Variants in NRXN3 observed in about 807,000 individuals in gnomAD.
NRXN3 encodes the protein neurexin 3.
Under a neutral mutation model 137.6 loss-of-function variants are expected in NRXN3, and 32 were observed. That is an observed-to-expected ratio of 0.23 (90% CI 0.18 to 0.31). The LOEUF (loss-of-function observed/expected upper bound fraction) is 0.31, where lower values mean the gene tolerates loss of function less well. NRXN3 is among the 10% of genes least tolerant of loss of function. NRXN3 has a pLI of 1.00. For synonymous variants in NRXN3, 798 were observed against 784.5 expected (o/e 1.02, Z -0.29); for missense variants, 1,574 against 2,062.5 (o/e 0.76, Z 4.59).
At chr14:78,203,836 G>T (rs1231006148) in intron 1 of NRXN3, among the ~76,000 whole-genome samples, 5 of 78,210 alleles carry the variant, frequency 6.4e-5, no homozygotes, top group African/African-American at 3.2e-4. Context: ...GTGTGTGTGT[G>T]TGGTTTGTGT....
In NRXN3 at chr14:79,447,550, T is replaced by G. The variant is rs186007131; in HGVS notation, c.3263-19671T>G. Among the ~76,000 whole-genome samples, 144 of 152,354 alleles carry G rather than the reference T, an allele frequency of 9.5e-4. 1 individual carries two copies. Among genetic ancestry groups the G allele is most frequent in the Non-Finnish European group, 1.7e-3 (114 of 68,030 alleles). ...ATTTCTATTTTCATGTATTCTCCTT[T>G]TCTTATAAAGGCTCCCTTTGGAACT... On this transcript the variant is annotated intron_variant, in intron 15 of 20. Coordinates refer to ENST00000335750, the MANE Select transcript of NRXN3 (RefSeq NM_001330195.2).
chr14:78,425,729 C>T (rs944314573), intron 4 of NRXN3, among the ~76,000 whole-genome samples: 1 of 152,184 alleles, frequency 6.6e-6, no homozygotes, highest in African/African-American at 2.4e-5. Context: ...CCCCTTCCCC[C>T]ACCCACTCTT....
At chr14:78,616,575 T>G (rs906304507) in intron 4 of NRXN3, among the ~76,000 whole-genome samples, 9 of 152,242 alleles carry the variant, frequency 5.9e-5, no homozygotes, top group African/African-American at 2.2e-4. Flanking sequence ...CTCACTACAA[T>G]GCAAGATTGA....
chr14:78,844,058 G>T (rs1245079600), intron 10 of NRXN3, among the ~76,000 whole-genome samples: 1 of 152,008 alleles, frequency 6.6e-6, no homozygotes, highest in Non-Finnish European at 1.5e-5. Context: ...TCAAGGCACT[G>T]GCAAAGTTTT....
intron 15 of NRXN3, among the ~76,000 whole-genome samples, chr14:79,441,333 T>C (rs899560240): frequency 6.8e-6 from 1 of 147,606 alleles, no homozygotes; most frequent in East Asian, 2.1e-4. Flanking sequence ...CCAAACAAAA[T>C]GCTGAAAGAA....
chr14:78,648,407 A>T (rs1407317008), intron 5 of NRXN3, among the ~76,000 whole-genome samples: 1 of 152,210 alleles, frequency 6.6e-6, no homozygotes, highest in Non-Finnish European at 1.5e-5. Flanking sequence ...TATCCATACA[A>T]TAAATTACAT....
intron 1 of NRXN3, among the ~76,000 whole-genome samples, chr14:78,204,629 G>A (rs1014830777): frequency 1.3e-5 from 2 of 151,546 alleles, no homozygotes; most frequent in African/African-American, 2.4e-5. Context: ...TATAAACTAT[G>A]TATATTATGA....
chr14:79,444,941 A>G (rs1410777619), intron 15 of NRXN3, among the ~76,000 whole-genome samples: 1 of 152,228 alleles, frequency 6.6e-6, no homozygotes, highest in Non-Finnish European at 1.5e-5. Context: ...GTTTACCTGA[A>G]CTCCAAGTAG....
chr14:78,464,097 G>C lies in NRXN3; in HGVS notation c.757+166237G>C, dbSNP rs1047627523. 3.3e-5 allele frequency among the ~76,000 whole-genome samples: 5 copies of C among 150,420 alleles called. 1 individual carries two copies. Among genetic ancestry groups the C allele is most frequent in the Non-Finnish European group, 7.4e-5 (5 of 67,764 alleles). ...AGGCAGAGTCTGGCTCTGTTCCCCA[G>C]GCTGGAGTGCAATGGTATGATCTCA... is the stretch of plus-strand genomic sequence containing the variant. On this transcript the variant is annotated intron_variant, in intron 4 of 20. Coordinates refer to ENST00000335750, the MANE Select transcript of NRXN3 (RefSeq NM_001330195.2).
intron 4 of NRXN3, among the ~76,000 whole-genome samples, chr14:78,533,835 C>A (rs1217393357): frequency 2.6e-5 from 4 of 152,204 alleles, no homozygotes; most frequent in Admixed American, 2.6e-4. Context: ...CCACTATGGC[C>A]ATTGCACTCA....
chr14:79,545,371 T>C (rs900222035), intron 16 of NRXN3, among the ~76,000 whole-genome samples: 6 of 152,240 alleles, frequency 3.9e-5, no homozygotes, highest in Non-Finnish European at 7.4e-5. Flanking sequence ...CCTTTTCTTA[T>C]AAATGCAGAT....
intron 15 of NRXN3, among the ~76,000 whole-genome samples, chr14:79,433,828 A>G (rs918349969): frequency 6.6e-6 from 1 of 152,180 alleles, no homozygotes; most frequent in African/African-American, 2.4e-5. Flanking sequence ...GCTCTTGCCT[A>G]TTTAGAAGCC....
chr14:79,109,273 C>A (rs897821086), intron 15 of NRXN3, among the ~76,000 whole-genome samples: 2 of 148,914 alleles, frequency 1.3e-5, no homozygotes, highest in African/African-American at 4.9e-5. Flanking sequence ...TCAGAAGTAG[C>A]CTTATCAATC....
intron 15 of NRXN3, among the ~76,000 whole-genome samples, chr14:79,081,368 C>T (rs920192797): frequency 2.0e-5 from 3 of 152,150 alleles, no homozygotes; most frequent in African/African-American, 7.2e-5. Context: ...GTAATCCCAA[C>T]TCTTTGGGAG....
intron 1 of NRXN3, among the ~76,000 whole-genome samples, chr14:78,211,101 A>G (rs916356232): frequency 6.6e-5 from 10 of 152,240 alleles, no homozygotes; most frequent in African/African-American, 2.4e-4. Context: ...CCTGGCACAT[A>G]GTGAGTATTC....
At chr14:78,244,491 C>T (rs1179543016) in intron 2 of NRXN3, among the ~76,000 whole-genome samples, 1 of 151,966 alleles carries the variant, frequency 6.6e-6, no homozygotes, top group African/African-American at 2.4e-5. Flanking sequence ...CTCCTGAGCC[C>T]TTGAGGTTTG....
intron 16 of NRXN3, among the ~76,000 whole-genome samples, chr14:79,496,809 C>G (rs1601213818): frequency 6.6e-6 from 1 of 152,334 alleles, no homozygotes. Context: ...AGGCCTTGGG[C>G]TAGGTCCTGG....
In NRXN3 at chr14:79,286,426, T is replaced by C. The variant is rs538704707; in HGVS notation, c.3263-180795T>C. Among the ~76,000 whole-genome samples the C allele has an allele frequency of 2.4e-4, 36 of 152,036 alleles. 2 individuals carry two copies. In the South Asian group the frequency reaches 7.1e-3, roughly 30 times the overall value. ...TGTTAAATAGGCATCAGTTTAATTA[T>C]TTTTCTCTTCAATTTTATTTTTTGA... is the stretch of plus-strand genomic sequence containing the variant. On this transcript the variant is annotated intron_variant, in intron 15 of 20. Coordinates refer to ENST00000335750, the MANE Select transcript of NRXN3 (RefSeq NM_001330195.2).
chr14:78,958,557 G>T (rs1239538739), intron 11 of NRXN3, among the ~76,000 whole-genome samples: 1 of 151,970 alleles, frequency 6.6e-6, no homozygotes, highest in Non-Finnish European at 1.5e-5. Context: ...GCGTTTCACC[G>T]TGTTAGCCAG....
Sources: allele counts gnomAD v4.1 joint callset (sites outside exome capture counted in the v4.1 genomes callset), GRCh38; gene constraint gnomAD v4.1.1; transcripts MANE v1.5; gene names NCBI Gene and HGNC (gene_info 2026-07-23, HGNC 2026-07-21).